Variants in PCDH9 observed in about 807,000 individuals in gnomAD.
PCDH9 encodes the protein protocadherin 9, also known as protocadherin-9.
In PCDH9, 24 loss-of-function variants were observed where a neutral mutation model predicts 70.6. The ratio of observed to expected loss-of-function variants is 0.34; its 90% CI spans 0.25 to 0.48. The LOEUF (loss-of-function observed/expected upper bound fraction) is 0.48. PCDH9 is among the 20% of genes least tolerant of loss of function. The pLI is 0.99. For synonymous variants in PCDH9, 562 were observed against 558.5 expected (o/e 1.01, Z -0.09); for missense variants, 1,281 against 1,503.6 (o/e 0.85, Z 2.45).
intron 2 of PCDH9, among the ~76,000 whole-genome samples, chr13:67,196,454 A>C (rs2138037876): frequency 6.6e-6 from 1 of 152,218 alleles, no homozygotes; most frequent in South Asian, 2.1e-4. Context: ...AAATTCTGAC[A>C]GAAAATACAT....
intron 4 of PCDH9, among the ~76,000 whole-genome samples, chr13:66,582,855 C>A (rs1353143288): frequency 6.6e-6 from 1 of 152,060 alleles, no homozygotes; most frequent in African/African-American, 2.4e-5. Flanking sequence ...ACTCTTTGGT[C>A]AACACTACCT....
intron 2 of PCDH9, among the ~76,000 whole-genome samples, chr13:67,026,218 T>A (rs1035020215): frequency 2.0e-5 from 3 of 152,162 alleles, no homozygotes; most frequent in African/African-American, 7.2e-5. Context: ...GTGGATAAGC[T>A]TTTTGATGTG....
intron 2 of PCDH9, among the ~76,000 whole-genome samples, chr13:67,127,513 G>A: frequency 6.6e-6 from 1 of 151,988 alleles, no homozygotes; most frequent in East Asian, 1.9e-4. Flanking sequence ...ACTCTGCAGG[G>A]TGCTAGTGTG....
At chr13:66,838,143 C>G (rs191629749) in intron 3 of PCDH9, among the ~76,000 whole-genome samples, 79 of 152,148 alleles carry the variant, frequency 5.2e-4, no homozygotes, top group African/African-American at 1.9e-3. Context: ...ATATTTCATT[C>G]TATAATATTT....
intron 4 of PCDH9, among the ~76,000 whole-genome samples, chr13:66,449,303 G>A (rs1958160096): frequency 2.0e-5 from 3 of 152,140 alleles, no homozygotes; most frequent in African/African-American, 7.2e-5. Context: ...AATGTGCCAT[G>A]CAATGACAAG....
intron 3 of PCDH9, among the ~76,000 whole-genome samples, chr13:66,721,445 C>T (rs2078940294): frequency 1.3e-5 from 2 of 152,104 alleles, no homozygotes. Context: ...TTTTGTATCA[C>T]CTATTAACAT....
At chr13:66,819,675 A>G (rs2080675101) in intron 3 of PCDH9, among the ~76,000 whole-genome samples, 1 of 152,110 alleles carries the variant, frequency 6.6e-6, no homozygotes, top group African/African-American at 2.4e-5. Context: ...GGACTGCTGG[A>G]GGTCAGGAGT....
chr13:66,642,740 G>T (rs1317381191), intron 3 of PCDH9, among the ~76,000 whole-genome samples: 1 of 151,826 alleles, frequency 6.6e-6, no homozygotes. Context: ...ATTTTCTTCA[G>T]TAGCTTAAAA....
At chr13:67,029,815 A>G (rs913749330) in intron 2 of PCDH9, among the ~76,000 whole-genome samples, 1 of 152,102 alleles carries the variant, frequency 6.6e-6, no homozygotes, top group Non-Finnish European at 1.5e-5. Context: ...TAGTTTTTCT[A>G]TATTATGTTT....
chr13:66,385,820 G>T (rs538880408), intron 4 of PCDH9, among the ~76,000 whole-genome samples: 10 of 152,192 alleles, frequency 6.6e-5, no homozygotes, highest in African/African-American at 2.4e-4. Flanking sequence ...TGCCTTTCTA[G>T]TAGGGTTTAA....
chr13:67,212,181 G>A (rs1205450681), intron 2 of PCDH9: 1 of 151,750 alleles, frequency 6.6e-6, no homozygotes, highest in Non-Finnish European at 1.5e-5. Context: ...ATTAACCAAA[G>A]GATAAATTTA....
At chr13:66,680,452 G>A (rs2078303175) in intron 3 of PCDH9, among the ~76,000 whole-genome samples, 1 of 151,864 alleles carries the variant, frequency 6.6e-6, no homozygotes, top group Non-Finnish European at 1.5e-5. Flanking sequence ...ATTTGAATTA[G>A]TATATTTAAT....
At chr13:67,056,071 C>G (rs1198371068) in intron 2 of PCDH9, among the ~76,000 whole-genome samples, 1 of 152,090 alleles carries the variant, frequency 6.6e-6, no homozygotes, top group Non-Finnish European at 1.5e-5. Context: ...AAAATGAAAT[C>G]TTCAAAACTG....
chr13:66,825,557 G>A (rs886823448), intron 3 of PCDH9, among the ~76,000 whole-genome samples: 5 of 151,406 alleles, frequency 3.3e-5, no homozygotes, highest in African/African-American at 1.2e-4. Flanking sequence ...GGATGGTCTC[G>A]ATCTCCTGAC....
intron 3 of PCDH9, among the ~76,000 whole-genome samples, chr13:66,698,895 C>CTTTTTTTTTTTTTTTTT (rs67333897): frequency 1.6e-5 from 1 of 61,132 alleles, no homozygotes; most frequent in African/African-American, 5.5e-5. Flanking sequence ...CTCAATTCCT[C>CTTTTTTTTTTTTTTTTT]TTTTTTTTTT....
rs1004732956 is a variant in PCDH9, at chr13:67,160,994, G to C, written c.3036+64411C>G. The stretch of plus-strand genomic sequence containing the variant: ...TTTGAAATTTCAGCTAATCTTTCTG[G>C]AACAACAGTGATAAATGCAGTAGGT... On this transcript the variant is annotated intron_variant, in intron 2 of 4. Coordinates refer to ENST00000377865, the MANE Select transcript of PCDH9 (RefSeq NM_203487.3). Among the ~76,000 whole-genome samples, 6 of 152,138 alleles carry C rather than the reference G, an allele frequency of 3.9e-5. No individual in the cohort carries two copies. In the South Asian group the frequency reaches 1.2e-3, roughly 32 times the overall value.
chr13:66,304,601 G>A lies in PCDH9; in HGVS notation c.*54C>T, dbSNP rs1441749749. ...TCTATTGAATACATAAAGCTCTGAC[G>A]CACACGGTATTAGCATGTCTATTTA... On this transcript the variant is annotated 3_prime_UTR_variant, in exon 5 of 5. Coordinates refer to ENST00000377865, the MANE Select transcript of PCDH9 (RefSeq NM_203487.3). 22 of 1,416,288 alleles carry A rather than the reference G, an allele frequency of 1.6e-5. No homozygotes were observed. Among genetic ancestry groups the A allele is most frequent in the South Asian group, 4.9e-5 (4 of 82,080 alleles). 87.7% of individuals were successfully genotyped at this position (1,416,288 alleles called of 1,614,324 possible). A position where few individuals can be genotyped will look rare whatever the true frequency, so the allele number is the denominator to read the frequency against.
chr13:66,960,437 TA>T (rs1458523672), intron 2 of PCDH9, among the ~76,000 whole-genome samples: 1 of 152,096 alleles, frequency 6.6e-6, no homozygotes, highest in Non-Finnish European at 1.5e-5. Context: ...GAAAACCCTA[TA>T]AAAAATTCAT....
In PCDH9 at chr13:66,865,040, T is replaced by C. The variant is rs145622983; in HGVS notation, c.3138+38464A>G. ...TTCTTCTCATTAAGTTTTGCAAATATATTAAAAATTAACAGTGTATATCCC... is the reference window on the plus strand; with the variant it reads ...TTCTTCTCATTAAGTTTTGCAAATACATTAAAAATTAACAGTGTATATCCC... On this transcript the variant is annotated intron_variant, in intron 3 of 4. Coordinates refer to ENST00000377865, the MANE Select transcript of PCDH9 (RefSeq NM_203487.3). Among the ~76,000 whole-genome samples, 10 of 152,346 alleles carry C rather than the reference T, an allele frequency of 6.6e-5. No homozygotes were observed. The South Asian group carries it at 1.9e-3, about 28-fold the overall frequency.
Sources: gnomAD v4.1 joint callset for allele counts (sites outside exome capture counted in the v4.1 genomes callset) on GRCh38, gnomAD v4.1.1 for gene constraint, MANE v1.5 for transcripts, NCBI Gene and HGNC (gene_info 2026-07-23, HGNC 2026-07-21) for gene names.